Variants in GABBR2 observed in about 807,000 individuals in gnomAD.
The protein encoded by GABBR2 is G-protein coupled receptor 51.
GABBR2 carries 23 observed loss-of-function variants against 105.6 expected under a neutral mutation model. The ratio of observed to expected loss-of-function variants is 0.22; its 90% CI spans 0.16 to 0.31. The LOEUF (loss-of-function observed/expected upper bound fraction) is 0.31, where lower values mean the gene tolerates loss of function less well. Among genes scored for constraint, GABBR2 ranks in the 10% least tolerant of loss-of-function variants. The pLI is 1.00. For synonymous variants in GABBR2, 478 were observed against 499.7 expected, an observed-to-expected ratio of 0.96 and a Z score of 0.58; for missense variants, 734 against 1,245.5, an observed-to-expected ratio of 0.59 and a Z score of 6.18.
chr9:98,471,441 T>C (rs1245078524), intron 6 of GABBR2, among the ~76,000 whole-genome samples: 4 of 152,238 alleles, frequency 2.6e-5, no homozygotes, highest in Non-Finnish European at 2.9e-5. Context: ...ATCTGGGGGA[T>C]GTTGTTACAA....
chr9:98,400,046 A>G (rs1832364907), intron 8 of GABBR2, among the ~76,000 whole-genome samples: 1 of 150,504 alleles, frequency 6.6e-6, no homozygotes, highest in African/African-American at 2.4e-5. Context: ...CTAGCCAGGC[A>G]TGGTGGTGCA....
At chr9:98,333,416 G>A (rs1025274442) in intron 13 of GABBR2, among the ~76,000 whole-genome samples, 2 of 152,146 alleles carry the variant, frequency 1.3e-5, no homozygotes, top group South Asian at 2.1e-4. Context: ...AAGTCAAGAT[G>A]TCCGTTGGGC....
intron 6 of GABBR2, among the ~76,000 whole-genome samples, chr9:98,467,004 T>A (rs1826572265): frequency 6.6e-6 from 1 of 152,054 alleles, no homozygotes; most frequent in Non-Finnish European, 1.5e-5. Flanking sequence ...CACATTCCAG[T>A]CAACACAAAA....
At chr9:98,631,986 T>C (rs928439523) in intron 1 of GABBR2, among the ~76,000 whole-genome samples, 1 of 152,218 alleles carries the variant, frequency 6.6e-6, no homozygotes, top group South Asian at 2.1e-4. Context: ...CAAGAGCAAA[T>C]ACTCAGCACT....
intron 1 of GABBR2, among the ~76,000 whole-genome samples, chr9:98,670,340 A>G (rs542665490): frequency 6.6e-6 from 1 of 152,288 alleles, no homozygotes; most frequent in Non-Finnish European, 1.5e-5. Flanking sequence ...CCAGAAAATA[A>G]CAAGTGTTGA....
intron 17 of GABBR2, among the ~76,000 whole-genome samples, chr9:98,295,160 G>A (rs917873857): frequency 5.3e-5 from 8 of 152,334 alleles, no homozygotes; most frequent in Admixed American, 2.0e-4. Context: ...ATATTTCAAT[G>A]CTTTTGTGGT....
intron 6 of GABBR2, among the ~76,000 whole-genome samples, chr9:98,467,852 A>C (rs1826592650): frequency 1.3e-5 from 2 of 152,276 alleles, no homozygotes; most frequent in South Asian, 4.1e-4. Flanking sequence ...GGGGCACAAT[A>C]ACAGGAGAAG....
In GABBR2 at chr9:98,698,689, G is replaced by C. The variant is rs533627417; in HGVS notation, c.321+9728C>G. 3.6e-3 allele frequency among the ~76,000 whole-genome samples: 542 copies of C among 152,072 alleles called. 3 individuals carry two copies. Among genetic ancestry groups the C allele is most frequent in the African/African-American group, 0.012 (516 of 41,462 alleles). On this transcript the variant is annotated intron_variant, in intron 1 of 18. Transcript: ENST00000259455. ...TAATTTTTGTATTTTTAGTAGAGAC[G>C]GGGTTTCACCATGTTGGTCAGGCTG...
chr9:98,501,132 C>G (rs1048635897), intron 3 of GABBR2, among the ~76,000 whole-genome samples: 19 of 145,208 alleles, frequency 1.3e-4, no homozygotes, highest in African/African-American at 3.5e-4. Flanking sequence ...ACTGCCCCCC[C>G]CCCTTCCCCG....
chr9:98,560,496 T>C (rs980368940), intron 2 of GABBR2, among the ~76,000 whole-genome samples: 2 of 149,464 alleles, frequency 1.3e-5, no homozygotes, highest in Admixed American at 6.7e-5. Flanking sequence ...CACACACACA[T>C]ACACACAAAA....
chr9:98,293,507 G>A (rs1163885080), intron 18 of GABBR2, among the ~76,000 whole-genome samples: 5 of 152,194 alleles, frequency 3.3e-5, no homozygotes, highest in South Asian at 2.1e-4. Flanking sequence ...CAAAGGCAGC[G>A]TCTTGTGGTA....
chr9:98,414,550 C>G (rs547386922), intron 7 of GABBR2, among the ~76,000 whole-genome samples: 28 of 152,178 alleles, frequency 1.8e-4, no homozygotes, highest in Non-Finnish European at 2.9e-4. Context: ...GAGGGGGTGA[C>G]TTGATCTAAG....
chr9:98,698,673 T>TG (rs1830788791), intron 1 of GABBR2, among the ~76,000 whole-genome samples: 1 of 152,090 alleles, frequency 6.6e-6, no homozygotes, highest in South Asian at 2.1e-4. Context: ...CTAATTTTTG[T>TG]ATTTTTAGTA....
At chr9:98,476,511 C>T (rs1045116360) in intron 5 of GABBR2, among the ~76,000 whole-genome samples, 7 of 152,204 alleles carry the variant, frequency 4.6e-5, no homozygotes, top group African/African-American at 1.4e-4. Context: ...AAAGCAAAGC[C>T]TGCCTCACTG....
chr9:98,338,452 A>G (rs921691839), intron 13 of GABBR2, among the ~76,000 whole-genome samples: 3 of 152,234 alleles, frequency 2.0e-5, no homozygotes, highest in African/African-American at 7.2e-5. Context: ...TCAATTAAAA[A>G]TGGGCAAAGT....
intron 14 of GABBR2, among the ~76,000 whole-genome samples, chr9:98,308,148 C>T (rs773220751): frequency 1.3e-5 from 2 of 152,112 alleles, no homozygotes; most frequent in African/African-American, 2.4e-5. Context: ...GCAGGAGAAT[C>T]GCTTGAACCC....
chr9:98,473,327 T>C lies in GABBR2; in HGVS notation c.818A>G (p.Tyr273Cys). ...AATGATCCACTGATATTTACTACCA[T>C]ACATGTTCTCCTCGTATGCCTGTAA... ...VFCCAYEENM[Y>C]GSKYQWIIPG... The change falls in exon 6 of 19, where the codon TAT becomes TGT. Residue 273 changes from tyrosine to cysteine, a missense_variant. Physicochemically the swap from Tyr to Cys is radical, Grantham distance 194. Transcript: ENST00000259455. The C allele has an allele frequency of 6.2e-7, 1 of 1,612,368 alleles. No individual in the cohort carries two copies. The highest frequency in any genetic ancestry group is 8.5e-7 in the Non-Finnish European group (1 of 1,178,620).
intron 1 of GABBR2, among the ~76,000 whole-genome samples, chr9:98,686,090 T>A (rs973208147): frequency 1.1e-4 from 17 of 151,474 alleles, no homozygotes; most frequent in African/African-American, 4.2e-4. Context: ...AAGACCCGTG[T>A]GAAGCTGTCT....
At chr9:98,635,446 A>G (rs1474152302) in intron 1 of GABBR2, among the ~76,000 whole-genome samples, 3 of 152,168 alleles carry the variant, frequency 2.0e-5, no homozygotes, top group Non-Finnish European at 1.5e-5. Flanking sequence ...GAATGGAGTA[A>G]TTGTCAGGAA....
Sources: allele counts gnomAD v4.1 joint callset (sites outside exome capture counted in the v4.1 genomes callset), GRCh38; gene constraint gnomAD v4.1.1; transcripts MANE v1.5; gene names NCBI Gene and HGNC (gene_info 2026-07-23, HGNC 2026-07-21).